PHF2: variants seen among roughly 807,000 people sequenced by gnomAD.
PHF2 encodes the protein lysine-specific demethylase PHF2.
A neutral mutation model predicts 120.5 loss-of-function variants in PHF2; 27 were observed. The ratio of observed to expected loss-of-function variants is 0.22; its 90% confidence interval spans 0.17 to 0.31. The LOEUF (loss-of-function observed/expected upper bound fraction) is 0.31. Ranked by LOEUF, PHF2 falls within the 10% of genes least tolerant of loss-of-function variation. The pLI, the probability that PHF2 is intolerant of heterozygous loss-of-function variation, is 1.00. For missense variants in PHF2, 1,024 were observed against 1,434.8 expected (o/e 0.71, Z 4.63); for synonymous variants, 568 against 592.5 (o/e 0.96, Z 0.60).
chr9:93,675,080 TTGTC>T (rs1826884426), intron 19 of PHF2, 58 bp downstream of exon 19: 3 of 1,354,818 alleles, frequency 2.2e-6, no homozygotes, highest in Admixed American at 1.7e-5. Flanking sequence ...AGCTGTGACT[TTGTC>T]TGTGGTCCCT....
intron 1 of PHF2, among the ~76,000 whole-genome samples, chr9:93,580,065 C>T (rs111494831): frequency 2.6e-5 from 4 of 152,146 alleles, no homozygotes; most frequent in Non-Finnish European, 5.9e-5. Flanking sequence ...GAGTAGAGGT[C>T]GGGGAAACAG....
At chr9:93,634,492 A>C (rs1355317286) in intron 2 of PHF2, among the ~76,000 whole-genome samples, 1 of 152,178 alleles carries the variant, frequency 6.6e-6, no homozygotes, top group South Asian at 2.1e-4. Flanking sequence ...CAGCACCCCC[A>C]GCCTTGCACG....
chr9:93,659,534 G>A lies in PHF2; in HGVS notation c.1263G>A (p.Glu421=). The change falls in exon 11 of 22, where the codon GAG becomes GAA. Residue 421 remains glutamate, a synonymous_variant. Coordinates refer to ENST00000359246, the MANE Select transcript of PHF2 (RefSeq NM_005392.4). ...AGGCTTTGGCAGAGCATGAGGACGA[G>A]CTCCCGGAGCACTTCAAACCTTCAC... ...KKQALAEHED[E]LPEHFKPSQL... 1 of 1,614,108 alleles carries A rather than the reference G, an allele frequency of 6.2e-7. No homozygotes were observed. The highest frequency in any genetic ancestry group is 8.5e-7 in the Non-Finnish European group (1 of 1,180,010).
At chr9:93,637,754 C>T (rs1826116647) in intron 3 of PHF2, among the ~76,000 whole-genome samples, 1 of 152,188 alleles carries the variant, frequency 6.6e-6, no homozygotes, top group Admixed American at 6.5e-5. Context: ...GTGCCATAAA[C>T]ATTTTTATAC....
At chr9:93,635,824 G>A (rs1229698468) in intron 2 of PHF2, among the ~76,000 whole-genome samples, 2 of 152,234 alleles carry the variant, frequency 1.3e-5, no homozygotes, top group African/African-American at 4.8e-5. Context: ...CCTGGGCAGT[G>A]TGAGGAAGTA....
rs1587725036 is a variant in PHF2 at position 93,675,792 on chromosome 9, G to A, written c.2832+3G>A. On this transcript the variant is annotated splice_donor_region_variant and intron_variant, in intron 20 of 21. Transcript: ENST00000359246. ...CTGCAGCTAAGTTGTCCCAGCAGGTGAGGAGGGGCGAGAAGGACACACGGC... is the reference window on the plus strand; with the variant it reads ...CTGCAGCTAAGTTGTCCCAGCAGGTAAGGAGGGGCGAGAAGGACACACGGC... 6 of 1,606,204 alleles carry A rather than the reference G, an allele frequency of 3.7e-6. No individual in the cohort carries two copies. Among genetic ancestry groups the A allele is most frequent in the Non-Finnish European group, 4.2e-6 (5 of 1,177,442 alleles).
At chr9:93,628,907 TTTTG>T (rs1308631156) in intron 1 of PHF2, among the ~76,000 whole-genome samples, 6 of 152,174 alleles carry the variant, frequency 3.9e-5, no homozygotes, top group African/African-American at 1.4e-4. Context: ...GTCACTTTTT[TTTTG>T]TTTGAGATGG....
intron 18 of PHF2, among the ~76,000 whole-genome samples, chr9:93,674,382 C>T (rs1225302526): frequency 6.6e-6 from 1 of 152,108 alleles, no homozygotes; most frequent in East Asian, 1.9e-4. Flanking sequence ...CAGAGCCCAC[C>T]CTCCATGGAC....
chr9:93,587,286 C>A (rs182993413), intron 1 of PHF2, among the ~76,000 whole-genome samples: 2 of 129,302 alleles, frequency 1.5e-5, no homozygotes, highest in East Asian at 4.8e-4. Context: ...ACGGAGGAGC[C>A]CTGGGTGAGG....
intron 1 of PHF2, among the ~76,000 whole-genome samples, chr9:93,583,255 T>A (rs1271308782): frequency 6.6e-6 from 1 of 152,250 alleles, no homozygotes; most frequent in Admixed American, 6.5e-5. Flanking sequence ...TTTCATTGAT[T>A]TTTATGGCTG....
chr9:93,666,063 G>A lies in PHF2; in HGVS notation c.2187+3G>A. ...AGCTGGACTCGGCAGCGTACAAGGT[G>A]AGCTGCCTTACAGGCCCCCCTCAGT... On this transcript the variant is annotated splice_donor_region_variant and intron_variant, in intron 16 of 21. Coordinates refer to ENST00000359246, the MANE Select transcript of PHF2 (RefSeq NM_005392.4). 11 of 1,611,996 alleles carry A rather than the reference G, an allele frequency of 6.8e-6. No individual in the cohort carries two copies. The highest frequency in any genetic ancestry group is 9.3e-6 in the Non-Finnish European group (11 of 1,178,734).
intron 1 of PHF2, among the ~76,000 whole-genome samples, chr9:93,606,715 T>C (rs1825549154): frequency 6.6e-6 from 1 of 152,228 alleles, no homozygotes; most frequent in Non-Finnish European, 1.5e-5. Context: ...GAAGTCCAAC[T>C]TAACAATTTT....
At chr9:93,650,113 A>G (rs1826340441) in intron 5 of PHF2, among the ~76,000 whole-genome samples, 1 of 146,404 alleles carries the variant, frequency 6.8e-6, no homozygotes, top group Non-Finnish European at 1.5e-5. Flanking sequence ...TAGCAGACAC[A>G]TGGACACACA....
intron 1 of PHF2, among the ~76,000 whole-genome samples, chr9:93,581,617 A>T (rs555856898): frequency 2.0e-5 from 3 of 152,138 alleles, no homozygotes; most frequent in Non-Finnish European, 4.4e-5. Flanking sequence ...GGAAGCAAGG[A>T]GCTTCATCTT....
intron 1 of PHF2, among the ~76,000 whole-genome samples, chr9:93,614,770 G>T (rs1264808450): frequency 6.7e-6 from 1 of 150,072 alleles, no homozygotes; most frequent in African/African-American, 2.5e-5. Context: ...GCAAAAAAAA[G>T]TGATGATGGT....
chr9:93,597,261 G>T (rs1241775526), intron 1 of PHF2, among the ~76,000 whole-genome samples: 1 of 152,150 alleles, frequency 6.6e-6, no homozygotes, highest in Non-Finnish European at 1.5e-5. Context: ...TAAAAAGAGT[G>T]CCTGGCCATG....
chr9:93,627,327 TTG>T (rs1162821610), intron 1 of PHF2, among the ~76,000 whole-genome samples: 1 of 152,200 alleles, frequency 6.6e-6, no homozygotes, highest in Non-Finnish European at 1.5e-5. Flanking sequence ...CAACTGGTTT[TTG>T]TGTGTTGTTT....
intron 17 of PHF2, among the ~76,000 whole-genome samples, chr9:93,668,033 G>A (rs1826714551): frequency 6.6e-6 from 1 of 152,212 alleles, no homozygotes; most frequent in South Asian, 2.1e-4. Context: ...CCTGCTTTTA[G>A]ACAGATGGGG....
rs990415953 is a variant in PHF2 at position 93,677,203 on chromosome 9, C to T, written c.3202+240C>T. On this transcript the variant is annotated intron_variant, in intron 21 of 21. Coordinates refer to ENST00000359246, the MANE Select transcript of PHF2 (RefSeq NM_005392.4). This position sits in a 1 kb window ranked among gnomAD's most constrained non-coding sequence, Gnocchi z 4.4. ...GCGTGCTCAGCCCCTGATCTGCCTG[C>T]ACCCCTGCACCCCAGCCGTGGGGCC... is the stretch of plus-strand genomic sequence containing the variant. 1.1e-4 allele frequency among the ~76,000 whole-genome samples: 17 copies of T among 151,060 alleles called. No homozygotes were observed. The highest frequency in any genetic ancestry group is 6.6e-4 in the Admixed American group (10 of 15,154).
Sources: gnomAD v4.1 joint callset for allele counts (sites outside exome capture counted in the v4.1 genomes callset) on GRCh38, gnomAD v4.1.1 for gene constraint, Gnocchi (gnomAD v3.1) non-coding constraint, MANE v1.5 for transcripts, NCBI Gene and HGNC (gene_info 2026-07-23, HGNC 2026-07-21) for gene names.